The following WDR27 variants were observed in gnomAD, a reference collection of about 807,000 sequenced individuals.
The protein encoded by WDR27 is WD repeat domain 27, also known as WD repeat-containing protein 27.
WDR27 carries 100 observed loss-of-function variants against 114.4 expected under a neutral mutation model. That is an observed-to-expected ratio of 0.87 (90% confidence interval 0.74 to 1.03). The LOEUF is 1.03. Among genes scored for constraint, WDR27 ranks in the 50% least tolerant of loss-of-function variants. The pLI is 0.00. For synonymous variants in WDR27, 449 were observed against 423.1 expected, an observed-to-expected ratio of 1.06 and a Z score of -0.75; for missense variants, 1,129 against 1,092.9, an observed-to-expected ratio of 1.03 and a Z score of -0.47.
Position 169,659,268 on chromosome 6 carries a change from G to A in WDR27, c.1198-61C>T, listed in dbSNP as rs1825258611. The A allele has an allele frequency of 1.0e-5, 16 of 1,558,152 alleles. No individual in the cohort carries two copies. Among genetic ancestry groups the A allele is most frequent in the Non-Finnish European group, 1.3e-5 (15 of 1,149,878 alleles). ...CACCCAGTAAAAGCAGACGAAACGT[G>A]CATCCGCACACGTATCCTAACAGCT... On this transcript the variant is annotated intron_variant, in intron 11 of 25. Coordinates refer to ENST00000448612, the MANE Select transcript of WDR27 (RefSeq NM_182552.5). This position sits in a 1 kb window ranked among gnomAD's most constrained non-coding sequence, Gnocchi z 4.3.
At chr6:169,647,965 C>G in intron 15 of WDR27, 95 bp from the exon 16 acceptor site, 1 of 787,322 alleles carries the variant, frequency 1.3e-6, no homozygotes, top group Non-Finnish European at 2.0e-6. Flanking sequence ...TTCCCCCCAT[C>G]TACATGTATA....
intron 13 of WDR27, among the ~76,000 whole-genome samples, chr6:169,656,512 T>G (rs1175736250): frequency 4.9e-5 from 7 of 142,698 alleles, no homozygotes; most frequent in East Asian, 4.2e-4. Context: ...CCAGGCGGGG[T>G]GGGGGGAAAG....
intron 25 of WDR27, among the ~76,000 whole-genome samples, chr6:169,506,253 A>C (rs1791986871): frequency 6.6e-6 from 1 of 152,160 alleles, no homozygotes; most frequent in Non-Finnish European, 1.5e-5. Context: ...CATTCATTTG[A>C]GATTTCCAGG....
At position 169,582,866 on chromosome 6, in the gene WDR27, A is replaced by C; in HGVS notation, c.2493T>G (p.Thr831=). ...GCGCTGATGGGTTGAAGGCCACTCC[A>C]GTGACAGTGTCTGTGTGCCCAGCCA... ...HRLAGHTDTV[T]GVAFNPSAPQ... is the part of the protein sequence containing the mutation. The change falls in exon 24 of 26, where the codon ACT becomes ACG. Residue 831 remains threonine, a synonymous_variant. Coordinates refer to ENST00000448612, the MANE Select transcript of WDR27 (RefSeq NM_182552.5). 1.2e-6 allele frequency: 2 copies of C among 1,613,944 alleles called. No homozygotes were observed. The highest frequency in any genetic ancestry group is 1.7e-6 in the Non-Finnish European group (2 of 1,179,878).
intron 25 of WDR27, among the ~76,000 whole-genome samples, chr6:169,492,714 G>A (rs1789930172): frequency 6.6e-6 from 1 of 151,848 alleles, no homozygotes; most frequent in African/African-American, 2.4e-5. Context: ...GAACCTAGAA[G>A]GAAGAAATGA....
At chr6:169,441,258 G>C in the WDR27 span, among the ~76,000 whole-genome samples, 1 of 151,694 alleles carries the variant, frequency 6.6e-6, no homozygotes, top group Non-Finnish European at 1.5e-5. Flanking sequence ...CCCCCGATGG[G>C]GGACCAGAGA....
chr6:169,551,737 CAAAA>C (rs1296878043), intron 25 of WDR27, among the ~76,000 whole-genome samples: 26 of 60,706 alleles, frequency 4.3e-4, no homozygotes, highest in Non-Finnish European at 8.3e-4. Flanking sequence ...GACTCCATCT[CAAAA>C]AAAAAAAAAA....
intron 17 of WDR27, among the ~76,000 whole-genome samples, chr6:169,639,306 G>C (rs563655256): frequency 2.0e-5 from 3 of 152,218 alleles, no homozygotes; most frequent in South Asian, 4.2e-4. Context: ...GTAAAACCTC[G>C]CATTTCTTAA....
intron 17 of WDR27, among the ~76,000 whole-genome samples, chr6:169,641,536 G>T (rs1819168433): frequency 6.6e-6 from 1 of 152,156 alleles, no homozygotes; most frequent in South Asian, 2.1e-4. Flanking sequence ...TTAGACCTCT[G>T]GACCTAGACT....
chr6:169,633,061 T>A lies in WDR27; in HGVS notation c.2109A>T (p.Val703=), dbSNP rs1444758893. 1 of 1,580,696 alleles carries A rather than the reference T, an allele frequency of 6.3e-7. No homozygotes were observed. Among genetic ancestry groups the A allele is most frequent in the African/African-American group, 1.3e-5 (1 of 74,604 alleles). ...SAVNDFYSHI[V]LAAGRNRTVE... ...CGGTCCTGTTCCGGCCAGCTGCGAGTACGATGTCTGCGATAATCCAGTTAG... is the reference window on the plus strand; with the variant it reads ...CGGTCCTGTTCCGGCCAGCTGCGAGAACGATGTCTGCGATAATCCAGTTAG... Residue 703 remains valine (V), a synonymous_variant, in exon 21 of 26, where the codon GTA becomes GTT. Coordinates refer to ENST00000448612, the MANE Select transcript of WDR27 (RefSeq NM_182552.5).
At chr6:169,621,461 CAT>C (rs1187057987) in intron 21 of WDR27, among the ~76,000 whole-genome samples, 1 of 152,012 alleles carries the variant, frequency 6.6e-6, no homozygotes, top group Non-Finnish European at 1.5e-5. Context: ...TGCACACACA[CAT>C]ATACATATGC....
the WDR27 span, among the ~76,000 whole-genome samples, chr6:169,438,981 T>C: frequency 6.6e-6 from 1 of 152,212 alleles, no homozygotes; most frequent in East Asian, 1.9e-4. Flanking sequence ...CATCTGATTA[T>C]ATTTTAATTA....
intron 25 of WDR27, among the ~76,000 whole-genome samples, chr6:169,527,234 A>G (rs927491090): frequency 6.6e-6 from 1 of 151,316 alleles, no homozygotes; most frequent in East Asian, 1.9e-4. Flanking sequence ...AAAAGTGGAA[A>G]CAACTCCAAA....
At chr6:169,635,150 G>A (rs1207185688) in intron 19 of WDR27, among the ~76,000 whole-genome samples, 1 of 151,988 alleles carries the variant, frequency 6.6e-6, no homozygotes, top group Non-Finnish European at 1.5e-5. Context: ...GGCAGATCAC[G>A]AGGTCAGGAG....
At chr6:169,630,719 C>T (rs1312721888) in intron 21 of WDR27, among the ~76,000 whole-genome samples, 1 of 152,120 alleles carries the variant, frequency 6.6e-6, no homozygotes, top group South Asian at 2.1e-4. Context: ...CATGGTGAAA[C>T]TCCATCTCTA....
At chr6:169,601,992 AATG>A (rs1447474723) in intron 23 of WDR27, among the ~76,000 whole-genome samples, 1 of 152,234 alleles carries the variant, frequency 6.6e-6, no homozygotes, top group African/African-American at 2.4e-5. Context: ...GTATCTGTGA[AATG>A]ATTAATAATT....
intron 23 of WDR27, among the ~76,000 whole-genome samples, chr6:169,598,622 A>T (rs1298662006): frequency 1.3e-5 from 2 of 152,194 alleles, no homozygotes; most frequent in Non-Finnish European, 2.9e-5. Context: ...AAGAACGGGG[A>T]AACGAGAGAT....
At chr6:169,451,617 A>G in the WDR27 span, among the ~76,000 whole-genome samples, 1 of 152,204 alleles carries the variant, frequency 6.6e-6, no homozygotes, top group Non-Finnish European at 1.5e-5. Flanking sequence ...CATATTTCCA[A>G]ACTATACCGT....
At chr6:169,493,863 G>A (rs780388484) in intron 25 of WDR27, among the ~76,000 whole-genome samples, 13 of 152,062 alleles carry the variant, frequency 8.5e-5, no homozygotes, top group African/African-American at 1.2e-4. Flanking sequence ...ATCTAACAAC[G>A]TTGTTAAAGA....
Sources: gnomAD v4.1 joint callset for allele counts (sites outside exome capture counted in the v4.1 genomes callset) on GRCh38, gnomAD v4.1.1 for gene constraint, Gnocchi (gnomAD v3.1) non-coding constraint, MANE v1.5 for transcripts, NCBI Gene and HGNC (gene_info 2026-07-23, HGNC 2026-07-21) for gene names.